The following SYN3 variants were observed in gnomAD, a reference collection of about 807,000 sequenced individuals.
SYN3 encodes synapsin-3.
In SYN3, 35 loss-of-function variants were observed where a neutral mutation model predicts 65.8. The observed-to-expected ratio is 0.53, with a 90% CI of 0.41 to 0.70. SYN3 has a LOEUF of 0.70. Among genes scored for constraint, SYN3 ranks in the 30% least tolerant of loss-of-function variants. SYN3 has a pLI of 0.00. For synonymous variants in SYN3, 270 were observed against 292.9 expected (o/e 0.92, Z 0.80); for missense variants, 680 against 749.0 (o/e 0.91, Z 1.08).
chr22:32,869,929 C>A (rs963805296), intron 4 of SYN3, among the ~76,000 whole-genome samples: 3 of 151,980 alleles, frequency 2.0e-5, no homozygotes, highest in Non-Finnish European at 4.4e-5. Flanking sequence ...GCAGGAGAGC[C>A]GCATTGGAAC....
chr22:33,055,658 G>C (rs922165911), intron 1 of SYN3, among the ~76,000 whole-genome samples: 2 of 152,150 alleles, frequency 1.3e-5, no homozygotes, highest in South Asian at 4.2e-4. Context: ...TGTTACGAAG[G>C]GAGAATAAAA....
intron 12 of SYN3, among the ~76,000 whole-genome samples, chr22:32,523,752 G>C (rs923649169): frequency 6.6e-6 from 1 of 152,186 alleles, no homozygotes; most frequent in Non-Finnish European, 1.5e-5. Flanking sequence ...AACTAGAAAT[G>C]ATTAAGCTTA....
chr22:32,766,148 G>C (rs1243302439), intron 6 of SYN3, among the ~76,000 whole-genome samples: 1 of 152,128 alleles, frequency 6.6e-6, no homozygotes, highest in African/African-American at 2.4e-5. Flanking sequence ...TGGGGAGAAA[G>C]ACTGGGGCGT....
At chr22:32,888,492 C>T (rs2146459000) in intron 4 of SYN3, among the ~76,000 whole-genome samples, 1 of 152,348 alleles carries the variant, frequency 6.6e-6, no homozygotes, top group African/African-American at 2.4e-5. Context: ...TACTCTACAG[C>T]CTCGCTGACA....
At chr22:32,861,408 A>C (rs190591971) in intron 6 of SYN3, 19 of 152,344 alleles carry the variant, frequency 1.2e-4, no homozygotes, top group Admixed American at 1.0e-3. Flanking sequence ...TGATGCCAGC[A>C]TGTCACTGGT....
chr22:32,818,740 G>T (rs1040813792), intron 6 of SYN3, among the ~76,000 whole-genome samples: 1 of 152,156 alleles, frequency 6.6e-6, no homozygotes, highest in Non-Finnish European at 1.5e-5. Context: ...GCCGGCCTAG[G>T]GGGAAAGTCT....
intron 3 of SYN3, among the ~76,000 whole-genome samples, chr22:32,932,227 A>T (rs1181898179): frequency 1.9e-5 from 2 of 107,266 alleles, no homozygotes; most frequent in Non-Finnish European, 3.7e-5. Context: ...CTATTAACGG[A>T]CCCACCCCCC....
intron 8 of SYN3, 88 bp from the exon 9 acceptor site, chr22:32,538,198 C>T: frequency 8.5e-7 from 1 of 1,179,670 alleles, no homozygotes; most frequent in South Asian, 1.2e-5. Context: ...TTAGGAGGCT[C>T]TGATTCAAAT....
At chr22:32,827,665 G>C (rs573069303) in intron 6 of SYN3, among the ~76,000 whole-genome samples, 1 of 152,252 alleles carries the variant, frequency 6.6e-6, no homozygotes, top group South Asian at 2.1e-4. Context: ...AAAAATGTCA[G>C]TCACATCTCT....
Position 32,973,156 on chromosome 22 carries a change from T to C in SYN3, c.369+7489A>G, listed in dbSNP as rs142712258. ...ATTTCCCCTTTTGATCCATTTGTAA[T>C]CAATCCTCCTTGTTAAATTCCCTCT... On this transcript the variant is annotated intron_variant, in intron 3 of 13. Coordinates refer to ENST00000358763, the MANE Select transcript of SYN3 (RefSeq NM_003490.4). Among the ~76,000 whole-genome samples the C allele has an allele frequency of 2.4e-3, 360 of 152,366 alleles. 6 individuals are homozygous for C. The East Asian group carries it at 0.054, about 23-fold the overall frequency.
intron 6 of SYN3, chr22:32,783,078 A>G (rs2145841911): frequency 6.6e-6 from 1 of 152,354 alleles, no homozygotes; most frequent in African/African-American, 2.4e-5. Context: ...CTTAGTCCAC[A>G]GCAGAGAACT....
intron 7 of SYN3, among the ~76,000 whole-genome samples, chr22:32,590,408 T>C (rs2059112128): frequency 6.6e-6 from 1 of 152,254 alleles, no homozygotes; most frequent in Admixed American, 6.5e-5. Context: ...CTGAAAATAT[T>C]CCATTTATAT....
chr22:32,559,852 A>T (rs1034759815), intron 7 of SYN3, among the ~76,000 whole-genome samples: 23 of 152,090 alleles, frequency 1.5e-4, no homozygotes, highest in Middle Eastern at 3.2e-3. Context: ...AAAAAAGAAA[A>T]AAAGAAAAGA....
intron 6 of SYN3, among the ~76,000 whole-genome samples, chr22:32,740,228 GATAA>G (rs1395575387): frequency 6.6e-6 from 1 of 152,196 alleles, no homozygotes; most frequent in East Asian, 1.9e-4. Context: ...TCATTCACTA[GATAA>G]ATACTTTCTG....
intron 6 of SYN3, among the ~76,000 whole-genome samples, chr22:32,606,083 G>A (rs2059367964): frequency 6.6e-6 from 1 of 152,222 alleles, no homozygotes; most frequent in Non-Finnish European, 1.5e-5. Context: ...GGCCTGGCTG[G>A]CCTGGAGTAG....
At chr22:32,856,310 G>T (rs2048363518) in intron 6 of SYN3, among the ~76,000 whole-genome samples, 1 of 152,140 alleles carries the variant, frequency 6.6e-6, no homozygotes, top group African/African-American at 2.4e-5. Flanking sequence ...TGGGGCAGTT[G>T]GAATGGGGGG....
At chr22:32,908,600 T>C (rs2049967105) in intron 4 of SYN3, among the ~76,000 whole-genome samples, 1 of 151,988 alleles carries the variant, frequency 6.6e-6, no homozygotes, top group Non-Finnish European at 1.5e-5. Flanking sequence ...AGCCCAGAGG[T>C]CCTATCTGGC....
intron 6 of SYN3, among the ~76,000 whole-genome samples, chr22:32,683,898 A>G (rs907217740): frequency 3.9e-5 from 6 of 152,160 alleles, no homozygotes; most frequent in Admixed American, 1.3e-4. Flanking sequence ...CTAACACTGC[A>G]GTTTCTGGGA....
rs117207198 is a variant in SYN3 at position 33,049,591 on chromosome 22, C to T, written c.-163+8701G>A. Among the ~76,000 whole-genome samples, 101 of 152,262 alleles carry T rather than the reference C, an allele frequency of 6.6e-4. 1 individual carries two copies. In the East Asian group the frequency reaches 0.018, roughly 27 times the overall value. ...GGTGCTCGTCCAAGCTATTGATACCCGCCTCCCCATTAGGCAGCTCCACCA... is the reference window on the plus strand; with the variant it reads ...GGTGCTCGTCCAAGCTATTGATACCTGCCTCCCCATTAGGCAGCTCCACCA... On this transcript the variant is annotated intron_variant, in intron 1 of 13. Coordinates refer to ENST00000358763, the MANE Select transcript of SYN3 (RefSeq NM_003490.4).
Sources: gnomAD v4.1 joint callset for allele counts (sites outside exome capture counted in the v4.1 genomes callset) on GRCh38, gnomAD v4.1.1 for gene constraint, MANE v1.5 for transcripts, NCBI Gene and HGNC (gene_info 2026-07-23, HGNC 2026-07-21) for gene names.